RBFOX1: variants seen among roughly 807,000 people sequenced by gnomAD.
RBFOX1 encodes the protein RNA binding protein fox-1 homolog 1.
In RBFOX1, 8 loss-of-function variants were observed where a neutral mutation model predicts 57.7. That is an observed-to-expected ratio of 0.14 (90% CI 0.08 to 0.25). The LOEUF is 0.25. Ranked by LOEUF, RBFOX1 falls within the 10% of genes least tolerant of loss-of-function variation. The probability of loss-of-function intolerance (pLI) is 1.00; values close to 1 mark genes in which losing one functional copy is unlikely to be tolerated. For synonymous variants in RBFOX1, 326 were observed against 222.4 expected, an observed-to-expected ratio of 1.47 and a Z score of -4.15; for missense variants, 611 against 548.5, an observed-to-expected ratio of 1.11 and a Z score of -1.14.
chr16:6,857,568 G>A (rs1406201926), intron 3 of RBFOX1, among the ~76,000 whole-genome samples: 3 of 152,122 alleles, frequency 2.0e-5, no homozygotes, highest in South Asian at 2.1e-4. Context: ...GCTGCTTCAA[G>A]CCTCCCAAAT....
chr16:5,775,313 C>T (rs75746087), intron 3 of RBFOX1, among the ~76,000 whole-genome samples: 4,424 of 152,208 alleles, frequency 0.029, 202 homozygotes, highest in African/African-American at 0.1. Flanking sequence ...TTTCCCTCTT[C>T]CCTCTTCCCT....
chr16:6,776,904 A>G (rs1035213457), intron 3 of RBFOX1, among the ~76,000 whole-genome samples: 2 of 152,218 alleles, frequency 1.3e-5, no homozygotes, highest in Non-Finnish European at 2.9e-5. Context: ...GCAAATATTA[A>G]TTTTTAATGG....
intron 3 of RBFOX1, among the ~76,000 whole-genome samples, chr16:6,917,295 C>T (rs2073415183): frequency 6.6e-6 from 1 of 152,208 alleles, no homozygotes; most frequent in South Asian, 2.1e-4. Flanking sequence ...TGTAACCAAA[C>T]ACTGAACAGA....
At chr16:6,466,063 T>C (rs561797754) in intron 2 of RBFOX1, among the ~76,000 whole-genome samples, 6 of 151,974 alleles carry the variant, frequency 3.9e-5, no homozygotes, top group Non-Finnish European at 8.8e-5. Flanking sequence ...ACCCCATCTC[T>C]ACTAAAAATA....
intron 4 of RBFOX1, among the ~76,000 whole-genome samples, chr16:7,511,751 A>T (rs890082081): frequency 2.0e-5 from 3 of 151,992 alleles, no homozygotes; most frequent in African/African-American, 7.3e-5. Context: ...GCTGTCGTTG[A>T]GTTGCTCTCG....
chr16:7,654,939 C>G (rs959080671), intron 12 of RBFOX1, among the ~76,000 whole-genome samples: 2 of 152,208 alleles, frequency 1.3e-5, no homozygotes, highest in Admixed American at 1.3e-4. Flanking sequence ...CTGAGAAACC[C>G]TGCTCTATGT....
chr16:5,563,399 C>T (rs947338211), intron 2 of RBFOX1, among the ~76,000 whole-genome samples: 4 of 152,254 alleles, frequency 2.6e-5, no homozygotes, highest in East Asian at 1.9e-4. Flanking sequence ...CTGATGGTAT[C>T]GTTATCTACT....
At chr16:5,956,885 G>A (rs1211412904) in intron 4 of RBFOX1, among the ~76,000 whole-genome samples, 1 of 149,516 alleles carries the variant, frequency 6.7e-6, no homozygotes, top group Non-Finnish European at 1.5e-5. Flanking sequence ...TGGCCAGGCT[G>A]CTTGGTCTCC....
At chr16:5,652,689 A>G (rs1051680119) in intron 3 of RBFOX1, among the ~76,000 whole-genome samples, 4 of 152,134 alleles carry the variant, frequency 2.6e-5, no homozygotes, top group African/African-American at 9.7e-5. Flanking sequence ...AGCTACATAA[A>G]GGGTATAAAT....
chr16:6,270,891 A>T lies in RBFOX1; in HGVS notation c.-126-46104A>T, dbSNP rs1023842633. Among the ~76,000 whole-genome samples, 110 of 152,354 alleles carry T rather than the reference A, an allele frequency of 7.2e-4. 1 individual carries two copies. The highest frequency in any genetic ancestry group is 3.4e-3 in the Middle Eastern group (1 of 294). Reference sequence around the variant, plus strand: ...AGTTATAAATTAATACCAGAAAGATAACAGGAGAATCTGCAAACATTTGGC... The same window carrying T: ...AGTTATAAATTAATACCAGAAAGATTACAGGAGAATCTGCAAACATTTGGC... On this transcript the variant is annotated intron_variant, in intron 1 of 15. Transcript: ENST00000550418.
intron 4 of RBFOX1, among the ~76,000 whole-genome samples, chr16:7,246,932 C>T (rs568225632): frequency 3.9e-5 from 6 of 152,212 alleles, no homozygotes; most frequent in East Asian, 3.9e-4. Flanking sequence ...TCCCATTTTA[C>T]GACAGGGATG....
chr16:6,432,993 G>T (rs1263628842), intron 2 of RBFOX1, among the ~76,000 whole-genome samples: 1 of 151,964 alleles, frequency 6.6e-6, no homozygotes, highest in African/African-American at 2.4e-5. Flanking sequence ...TAAAAATAAT[G>T]ATAACAATAA....
intron 1 of RBFOX1, among the ~76,000 whole-genome samples, chr16:6,297,826 A>G (rs114635843): frequency 1.8e-3 from 279 of 152,260 alleles, no homozygotes; most frequent in African/African-American, 6.5e-3. Context: ...ACAGTCAGAG[A>G]GGAGATTGGC....
chr16:5,816,964 G>C (rs2055664668), intron 3 of RBFOX1, among the ~76,000 whole-genome samples: 1 of 151,778 alleles, frequency 6.6e-6, no homozygotes, highest in African/African-American at 2.4e-5. Flanking sequence ...TTTGTTTTTG[G>C]GATCCAAACA....
At chr16:5,314,569 C>T (rs1241072053) in intron 1 of RBFOX1, among the ~76,000 whole-genome samples, 3 of 152,198 alleles carry the variant, frequency 2.0e-5, no homozygotes, top group Non-Finnish European at 4.4e-5. Context: ...GGTGCAATCA[C>T]AGCTCACTGC....
chr16:6,682,912 CTA>C (rs1464945602), intron 3 of RBFOX1, among the ~76,000 whole-genome samples: 3 of 135,004 alleles, frequency 2.2e-5, no homozygotes, highest in African/African-American at 8.3e-5. Flanking sequence ...AGAAAAAAAA[CTA>C]TGAGAGCCAA....
rs74798404 is a variant in RBFOX1, at chr16:5,906,663, T to C, written c.351+39328T>C. On this transcript the variant is annotated intron_variant, in intron 4 of 19. Transcript: ENST00000641259. ...ATGTGTACTCTAACTTAACAGAGGG[T>C]TGGCTGCTGAGTGTTGTCGCTGACC... 5.0e-3 allele frequency among the ~76,000 whole-genome samples: 759 copies of C among 150,866 alleles called. 8 individuals are homozygous for C. Among genetic ancestry groups the C allele is most frequent in the African/African-American group, 0.017 (698 of 41,134 alleles).
intron 2 of RBFOX1, among the ~76,000 whole-genome samples, chr16:6,524,772 G>A (rs2096555925): frequency 6.6e-6 from 1 of 152,076 alleles, no homozygotes; most frequent in Non-Finnish European, 1.5e-5. Flanking sequence ...AGCATCCTTG[G>A]CATTCCTTGG....
At chr16:7,164,948 G>T (rs1314656787) in intron 4 of RBFOX1, among the ~76,000 whole-genome samples, 1 of 152,172 alleles carries the variant, frequency 6.6e-6, no homozygotes, top group South Asian at 2.1e-4. Context: ...ATAGGATATG[G>T]AGTTGGCAGC....
Sources: allele counts gnomAD v4.1 joint callset (sites outside exome capture counted in the v4.1 genomes callset), GRCh38; gene constraint gnomAD v4.1.1; transcripts MANE v1.5; gene names NCBI Gene and HGNC (gene_info 2026-07-23, HGNC 2026-07-21).